The following MYO16 variants were observed in gnomAD, a reference collection of about 807,000 sequenced individuals.
The protein encoded by MYO16 is myosin XVI, also known as unconventional myosin-XVI.
MYO16 carries 94 observed loss-of-function variants against 205.3 expected under a neutral mutation model. The observed-to-expected ratio is 0.46, with a 90% CI of 0.39 to 0.54. The LOEUF is 0.54. Among genes scored for constraint, MYO16 ranks in the 20% least tolerant of loss-of-function variants. MYO16 has a pLI of 0.00. For missense variants in MYO16, 2,315 were observed against 2,387.5 expected (o/e 0.97, Z 0.63); for synonymous variants, 988 against 954.0 (o/e 1.04, Z -0.66).
intron 12 of MYO16, among the ~76,000 whole-genome samples, chr13:108,869,597 G>T (rs1566379405): frequency 6.6e-6 from 1 of 150,444 alleles, no homozygotes; most frequent in Non-Finnish European, 1.5e-5. Context: ...CGGGCGTCGT[G>T]GCGGGCGTCT....
At chr13:108,531,919 G>A in the MYO16 span, among the ~76,000 whole-genome samples, 13 of 152,186 alleles carry the variant, frequency 8.5e-5, no homozygotes, top group African/African-American at 3.1e-4. Context: ...GTCATCAAAA[G>A]CAGAAGGCCC....
At chr13:108,763,403 A>G (rs911278868) in intron 4 of MYO16, among the ~76,000 whole-genome samples, 1 of 152,202 alleles carries the variant, frequency 6.6e-6, no homozygotes, top group African/African-American at 2.4e-5. Context: ...AGAGCAGTGT[A>G]GAGTAAGATT....
the MYO16 span, among the ~76,000 whole-genome samples, chr13:108,506,870 G>A: frequency 6.6e-6 from 1 of 151,914 alleles, no homozygotes; most frequent in Non-Finnish European, 1.5e-5. Context: ...TTCCTTTCTA[G>A]TTTGTTGAAT....
chr13:108,632,836 C>T (rs17386538), intron 1 of MYO16, among the ~76,000 whole-genome samples: 25,939 of 151,930 alleles, frequency 0.17, 2,771 homozygotes, highest in Non-Finnish European at 0.24. Context: ...CCAGCTGAGG[C>T]GCAAGCAGAA....
At chr13:108,947,531 G>A (rs7320830) in intron 16 of MYO16, among the ~76,000 whole-genome samples, 39,344 of 152,006 alleles carry the variant, frequency 0.26, 6,752 homozygotes, top group African/African-American at 0.49. Flanking sequence ...CCATTTCACA[G>A]CTTCACTCAC....
chr13:108,757,274 T>C (rs1291848250), intron 4 of MYO16, among the ~76,000 whole-genome samples: 3 of 152,192 alleles, frequency 2.0e-5, no homozygotes, highest in African/African-American at 7.2e-5. Flanking sequence ...ATGTCTGTGA[T>C]GAATTCACCA....
chr13:109,055,025 T>C lies in MYO16; in HGVS notation c.3049-21T>C. 1.4e-6 allele frequency: 2 copies of C among 1,454,492 alleles called. No homozygotes were observed. The highest frequency in any genetic ancestry group is 1.9e-6 in the Non-Finnish European group (2 of 1,058,568). The allele number at this position is 1,454,492 out of a possible 1,614,324, so 90.1% of individuals were successfully genotyped here. A position where few individuals can be genotyped will look rare whatever the true frequency, so the allele number is the denominator to read the frequency against. On this transcript the variant is annotated intron_variant, in intron 25 of 34. Coordinates refer to ENST00000457511, the MANE Select transcript of MYO16 (RefSeq NM_001198950.3). This position sits in a 1 kb window ranked among gnomAD's most constrained non-coding sequence, Gnocchi z 5.0. ...TTTCCTTTCTTTTCTCCTGTCCTTC[T>C]TGTCTTTCTTTTTATTACAGTTATT...
intron 23 of MYO16, among the ~76,000 whole-genome samples, chr13:109,034,350 T>C (rs277826): frequency 0.98 from 149,109 of 152,324 alleles, 73,036 homozygotes; most frequent in East Asian, 1. Flanking sequence ...GATTGAATCA[T>C]GGGGGTGGTT....
chr13:109,205,699 T>G (rs143693468), intron 34 of MYO16, among the ~76,000 whole-genome samples: 1 of 152,144 alleles, frequency 6.6e-6, no homozygotes, highest in Admixed American at 6.5e-5. Context: ...CCCAGCTACA[T>G]AGCCAGCTTG....
chr13:108,627,764 T>A (rs552320484), upstream of MYO16, among the ~76,000 whole-genome samples: 4 of 152,160 alleles, frequency 2.6e-5, no homozygotes, highest in Non-Finnish European at 5.9e-5. Context: ...AGTGTTATGC[T>A]TTTTTTCAGT....
intron 16 of MYO16, among the ~76,000 whole-genome samples, chr13:108,918,288 T>G (rs1235603794): frequency 6.6e-6 from 1 of 152,236 alleles, no homozygotes; most frequent in East Asian, 1.9e-4. Flanking sequence ...AGATGGTGTA[T>G]TCACATAATA....
chr13:108,532,463 T>C, the MYO16 span, among the ~76,000 whole-genome samples: 3 of 150,490 alleles, frequency 2.0e-5, no homozygotes, highest in Non-Finnish European at 2.9e-5. Flanking sequence ...GAAGAGAGAG[T>C]GTGGTAACTG....
the MYO16 span, among the ~76,000 whole-genome samples, chr13:108,537,381 T>C: frequency 6.6e-6 from 1 of 152,152 alleles, no homozygotes. Context: ...TTTTCCACAG[T>C]TTCTTTATTC....
intron 2 of MYO16, among the ~76,000 whole-genome samples, chr13:108,681,292 A>G (rs1882451365): frequency 6.6e-6 from 1 of 152,160 alleles, no homozygotes; most frequent in African/African-American, 2.4e-5. Context: ...TCTCCCTTCC[A>G]GACTCCACTA....
chr13:108,776,402 G>T (rs1886125808), intron 4 of MYO16, among the ~76,000 whole-genome samples: 1 of 152,118 alleles, frequency 6.6e-6, no homozygotes, highest in Admixed American at 6.5e-5. Context: ...CATTCCACAA[G>T]CTCTAGACCT....
chr13:109,173,245 C>G (rs764433472), intron 33 of MYO16, among the ~76,000 whole-genome samples: 3 of 152,146 alleles, frequency 2.0e-5, no homozygotes, highest in Non-Finnish European at 4.4e-5. Flanking sequence ...AAGATGACCT[C>G]TGTGTGTGAA....
intron 32 of MYO16, among the ~76,000 whole-genome samples, chr13:109,145,719 G>A (rs1207483966): frequency 6.6e-6 from 1 of 152,218 alleles, no homozygotes; most frequent in Non-Finnish European, 1.5e-5. Flanking sequence ...GTGAATGAGA[G>A]TCCTTGGCTC....
At chr13:108,671,120 A>G (rs1044740397) in intron 2 of MYO16, among the ~76,000 whole-genome samples, 1 of 152,200 alleles carries the variant, frequency 6.6e-6, no homozygotes, top group South Asian at 2.1e-4. Flanking sequence ...GTTTTATTTT[A>G]TTTAAGAAAT....
chr13:108,802,030 A>G (rs1886983121), intron 6 of MYO16, among the ~76,000 whole-genome samples: 1 of 152,218 alleles, frequency 6.6e-6, no homozygotes. Context: ...ATATGTATAC[A>G]CTGTGAAATG....
Sources: allele counts gnomAD v4.1 joint callset (sites outside exome capture counted in the v4.1 genomes callset), GRCh38; gene constraint gnomAD v4.1.1; non-coding constraint Gnocchi (gnomAD v3.1); transcripts MANE v1.5; gene names NCBI Gene and HGNC (gene_info 2026-07-23, HGNC 2026-07-21).